The following EIF4ENIF1 variants were observed in gnomAD, a reference collection of about 807,000 sequenced individuals.
The protein encoded by EIF4ENIF1 is eukaryotic translation initiation factor 4E transporter.
In EIF4ENIF1, 23 loss-of-function variants were observed where a neutral mutation model predicts 110.5. The observed-to-expected ratio is 0.21, with a 90% CI of 0.15 to 0.29. The LOEUF is 0.29. EIF4ENIF1 is among the 10% of genes least tolerant of loss of function. The pLI is 1.00. For missense variants in EIF4ENIF1, 1,031 were observed against 1,221.1 expected, an observed-to-expected ratio of 0.84 and a Z score of 2.32; for synonymous variants, 440 against 437.0, an observed-to-expected ratio of 1.01 and a Z score of -0.09.
At chr22:31,442,667 G>T (rs1289647527) in intron 16 of EIF4ENIF1, among the ~76,000 whole-genome samples, 2 of 152,134 alleles carry the variant, frequency 1.3e-5, no homozygotes, top group African/African-American at 4.8e-5. Context: ...TGCCAAATAA[G>T]TATACTAATT....
chr22:31,479,762 T>C (rs968876911), intron 2 of EIF4ENIF1, among the ~76,000 whole-genome samples: 1 of 148,480 alleles, frequency 6.7e-6, no homozygotes, highest in Non-Finnish European at 1.5e-5. Context: ...CAGGCTGGAG[T>C]GCAGTGGCAT....
chr22:31,455,961 C>A lies in EIF4ENIF1; in HGVS notation c.990G>T (p.Gly330=). The A allele has an allele frequency of 1.2e-6, 2 of 1,614,012 alleles. No homozygotes were observed. The highest frequency in any genetic ancestry group is 2.2e-5 in the East Asian group (1 of 44,876). The stretch of plus-strand genomic sequence containing the variant: ...TACTGAACCGACTGGCAGAGACTGA[C>A]CCTTCTCCCAAAACATCTTCTATCA... ...ASMIEDVLGE[G]SVSASRFSRW... is the part of the protein sequence containing the mutation. The change falls in exon 8 of 19, where the codon GGG becomes GGT. Residue 330 remains glycine (G), a synonymous_variant. Coordinates refer to ENST00000330125, the MANE Select transcript of EIF4ENIF1 (RefSeq NM_019843.4).
In EIF4ENIF1 at chr22:31,463,130, C is replaced by T; in HGVS notation, c.589G>A (p.Glu197Lys). Reference protein sequence around the residue: ...RDFKDKRFRREFGDSKRVFGE... With the variant: ...RDFKDKRFRRKFGDSKRVFGE... ...AAGACACGCTTACTATCTCCAAACT[C>T]TCTCTGGAAAAGTACATAAAGCAAG... The change falls in exon 6 of 19, where the codon GAG (glutamate) becomes AAG (lysine). Residue 197 changes from glutamate to lysine, a missense_variant. Physicochemically the swap from Glu to Lys is moderately conservative, Grantham distance 56. Coordinates refer to ENST00000330125, the MANE Select transcript of EIF4ENIF1 (RefSeq NM_019843.4). 6.2e-7 allele frequency: 1 copy of T among 1,613,300 alleles called. No individual in the cohort carries two copies. The highest frequency in any genetic ancestry group is 1.1e-5 in the South Asian group (1 of 90,838).
Position 31,447,431 on chromosome 22 carries a change from T to A in EIF4ENIF1, c.1983A>T (p.Arg661Ser). 6.2e-7 allele frequency: 1 copy of A among 1,609,996 alleles called. No homozygotes were observed. The highest frequency in any genetic ancestry group is 8.5e-7 in the Non-Finnish European group (1 of 1,179,228). ...GAGCAGGATTAGTAATTTACCTGTTTCTGAATCCATCTCTGGTTCTGTCCA... is the reference window on the plus strand; with the variant it reads ...GAGCAGGATTAGTAATTTACCTGTTACTGAATCCATCTCTGGTTCTGTCCA... ...PQVDRTRDGF[R>S]NRQQRVTKSP... The change falls in exon 14 of 19, where the codon AGA becomes AGT. Residue 661 changes from arginine (R) to serine (S), a missense_variant. Physicochemically the swap from Arg to Ser is moderately radical, Grantham distance 110. Coordinates refer to ENST00000330125, the MANE Select transcript of EIF4ENIF1 (RefSeq NM_019843.4).
chr22:31,467,807 CA>C (rs796953682), intron 4 of EIF4ENIF1, among the ~76,000 whole-genome samples: 7 of 147,208 alleles, frequency 4.8e-5, no homozygotes, highest in Non-Finnish European at 3.0e-5. Flanking sequence ...AAAAACAGAA[CA>C]AAAAAAAAAG....
At chr22:31,443,283 T>C (rs2050360609) in intron 15 of EIF4ENIF1, 189 bp from the exon 16 acceptor site, 2 of 723,508 alleles carry the variant, frequency 2.8e-6, no homozygotes, top group Middle Eastern at 4.1e-4. Flanking sequence ...CCCAAGTACA[T>C]TATCCCTTGC....
At chr22:31,474,521 G>A (rs139893935) in intron 2 of EIF4ENIF1, among the ~76,000 whole-genome samples, 115 of 144,462 alleles carry the variant, frequency 8.0e-4, no homozygotes, top group African/African-American at 2.9e-3. Flanking sequence ...ACTGTCATAC[G>A]TTCTAGCTTA....
intron 3 of EIF4ENIF1, 132 bp from the exon 4 acceptor site, chr22:31,468,434 G>T: frequency 7.8e-7 from 1 of 1,285,434 alleles, no homozygotes; most frequent in Non-Finnish European, 1.1e-6. Context: ...TCGCTCTGTC[G>T]CCCAGGATGG....
upstream of EIF4ENIF1, among the ~76,000 whole-genome samples, chr22:31,492,766 G>A (rs538705716): frequency 6.6e-6 from 1 of 152,100 alleles, no homozygotes; most frequent in African/African-American, 2.4e-5. Context: ...GAGTCTCGCT[G>A]TATCGCCCAG....
At chr22:31,454,013 A>C in intron 10 of EIF4ENIF1, 131 bp downstream of exon 10, 1 of 758,744 alleles carries the variant, frequency 1.3e-6, no homozygotes, top group Non-Finnish European at 2.1e-6. Context: ...ACACAAAAGC[A>C]TCAAGGACCA....
chr22:31,444,736 T>G, intron 14 of EIF4ENIF1, 46 bp from the exon 15 acceptor site: 2 of 1,580,306 alleles, frequency 1.3e-6, no homozygotes, highest in Non-Finnish European at 1.7e-6. Context: ...CTGCTTAACT[T>G]CAAGTCTTAA....
At chr22:31,440,985 G>C in intron 17 of EIF4ENIF1, 117 bp from the exon 18 acceptor site, 2 of 1,375,390 alleles carry the variant, frequency 1.5e-6, no homozygotes, top group Non-Finnish European at 1.0e-6. Flanking sequence ...GCTCTGCGCA[G>C]TGGCTCACGC....
intron 15 of EIF4ENIF1, among the ~76,000 whole-genome samples, chr22:31,443,805 C>T (rs2145901165): frequency 1.4e-5 from 2 of 139,836 alleles, no homozygotes; most frequent in African/African-American, 5.0e-5. Context: ...GGGGAATGAA[C>T]CTTTTTTTTT....
chr22:31,438,420 A>C (rs556274562), downstream of EIF4ENIF1, among the ~76,000 whole-genome samples: 1 of 152,284 alleles, frequency 6.6e-6, no homozygotes, highest in South Asian at 2.1e-4. Flanking sequence ...TTAATGCATG[A>C]GTCTTAAGGG....
intron 10 of EIF4ENIF1, chr22:31,450,846 CACACACACACA>C (rs757542189): frequency 0.019 from 1,085 of 57,872 alleles, 7 homozygotes; most frequent in Non-Finnish European, 0.028. Flanking sequence ...ATATATACTA[CACACACACACA>C]CACACACACA....
chr22:31,450,878 CACACACACACACACACAA>C (rs1005030371), intron 10 of EIF4ENIF1: 3 of 163,642 alleles, frequency 1.8e-5, no homozygotes, highest in Admixed American at 6.1e-5. Flanking sequence ...CACACACACA[CACACACACACACACACAA>C]AAGAGACAGG....
intron 2 of EIF4ENIF1, among the ~76,000 whole-genome samples, chr22:31,480,416 T>C (rs1230364935): frequency 6.6e-6 from 1 of 152,210 alleles, no homozygotes; most frequent in Non-Finnish European, 1.5e-5. Context: ...CCTTCTGACA[T>C]TATGTAGAAT....
In EIF4ENIF1 at chr22:31,450,376, G is replaced by T; in HGVS notation, c.1513-16C>A. ...CAAGGTTTCGCTAAAAGAGTCAAAA[G>T]AAAACTGGTTTTAACTTTCTTAACT... On this transcript the variant is annotated splice_polypyrimidine_tract_variant and intron_variant, in intron 10 of 18. Transcript: ENST00000330125. The T allele has an allele frequency of 1.2e-6, 2 of 1,610,104 alleles. No homozygotes were observed. Among genetic ancestry groups the T allele is most frequent in the Admixed American group, 3.3e-5 (2 of 59,850 alleles).
chr22:31,464,699 A>AAAAATAT (rs1304121964), intron 4 of EIF4ENIF1, among the ~76,000 whole-genome samples: 8 of 39,126 alleles, frequency 2.0e-4, no homozygotes, highest in East Asian at 1.9e-3. Flanking sequence ...AAAAAAAAAA[A>AAAAATAT]ATATATATAT....
Sources: gnomAD v4.1 joint callset for allele counts (sites outside exome capture counted in the v4.1 genomes callset) on GRCh38, gnomAD v4.1.1 for gene constraint, MANE v1.5 for transcripts, NCBI Gene and HGNC (gene_info 2026-07-23, HGNC 2026-07-21) for gene names.